The following TMEM132D variants were observed in gnomAD, a reference collection of about 807,000 sequenced individuals.
The protein encoded by TMEM132D is mature OL transmembrane protein.
In TMEM132D, 21 loss-of-function variants were observed where a neutral mutation model predicts 62.3. That is an observed-to-expected ratio of 0.34 (90% CI 0.24 to 0.49). The LOEUF (loss-of-function observed/expected upper bound fraction) is 0.49. TMEM132D is among the 20% of genes least tolerant of loss of function. The probability of loss-of-function intolerance (pLI) is 0.99; values close to 1 mark genes in which losing one functional copy is unlikely to be tolerated. For missense variants in TMEM132D, 1,346 were observed against 1,402.8 expected, an observed-to-expected ratio of 0.96 and a Z score of 0.65; for synonymous variants, 621 against 575.6, an observed-to-expected ratio of 1.08 and a Z score of -1.13.
chr12:129,166,440 G>A (rs1030092420), intron 5 of TMEM132D, among the ~76,000 whole-genome samples: 2 of 110,028 alleles, frequency 1.8e-5, no homozygotes, highest in Non-Finnish European at 4.2e-5. Flanking sequence ...GGCGGATGTG[G>A]CAGGCTTTTT....
intron 3 of TMEM132D, among the ~76,000 whole-genome samples, chr12:129,491,191 C>T (rs962372168): frequency 6.6e-6 from 1 of 152,110 alleles, no homozygotes; most frequent in Non-Finnish European, 1.5e-5. Flanking sequence ...TCATGATGAG[C>T]GCTGAAAAGT....
At chr12:129,337,432 TACACACACGCAC>T (rs1422212764) in intron 4 of TMEM132D, among the ~76,000 whole-genome samples, 190 bp downstream of exon 4, 1 of 109,650 alleles carries the variant, frequency 9.1e-6, no homozygotes, top group Admixed American at 1.2e-4. Context: ...TAGATATAGA[TACACACACGCAC>T]ACACACACAC....
Position 129,204,308 on chromosome 12 carries a change from A to C in TMEM132D, c.1443+5212T>G, listed in dbSNP as rs151065440. On this transcript the variant is annotated intron_variant, in intron 5 of 8. Coordinates refer to ENST00000422113, the MANE Select transcript of TMEM132D (RefSeq NM_133448.3). ...TCACAATAAAATGATAAAGGAACAA[A>C]GTAGCCATTATAAAAAAGAAGGAAG... 3.1e-3 allele frequency among the ~76,000 whole-genome samples: 474 copies of C among 152,352 alleles called. 1 individual carries two copies. Among genetic ancestry groups the C allele is most frequent in the African/African-American group, 0.011 (462 of 41,590 alleles).
chr12:129,613,888 GCAGAACCCAGGAGACTGGCTC>G (rs1408933202), intron 2 of TMEM132D, among the ~76,000 whole-genome samples: 1 of 150,842 alleles, frequency 6.6e-6, no homozygotes, highest in Non-Finnish European at 1.5e-5. Flanking sequence ...GGGACTGTCT[GCAGAACCCAGGAGACTGGCTC>G]CAGAACCCAG....
chr12:129,759,672 T>C (rs1323863340), intron 1 of TMEM132D, among the ~76,000 whole-genome samples: 2 of 152,218 alleles, frequency 1.3e-5, no homozygotes, highest in African/African-American at 2.4e-5. Context: ...ATTCTACATC[T>C]AGGAATCTAT....
intron 2 of TMEM132D, among the ~76,000 whole-genome samples, chr12:129,580,336 G>T (rs528824576): frequency 6.1e-4 from 93 of 152,278 alleles, no homozygotes; most frequent in Middle Eastern, 3.4e-3. Context: ...CCACATCCAC[G>T]CCTGCATTCG....
At chr12:129,318,651 C>A (rs558288454) in intron 4 of TMEM132D, among the ~76,000 whole-genome samples, 3 of 152,174 alleles carry the variant, frequency 2.0e-5, no homozygotes, top group South Asian at 2.1e-4. Flanking sequence ...GGAGAGGGAC[C>A]AGCAGTGGGC....
At chr12:129,732,801 A>G (rs569275014) in intron 1 of TMEM132D, among the ~76,000 whole-genome samples, 48 of 152,324 alleles carry the variant, frequency 3.2e-4, no homozygotes, top group African/African-American at 1.1e-3. Flanking sequence ...TGATTACAGC[A>G]TGGGAATCTG....
intron 4 of TMEM132D, among the ~76,000 whole-genome samples, chr12:129,302,832 C>T (rs150790241): frequency 0.015 from 2,351 of 152,306 alleles, 32 homozygotes; most frequent in Middle Eastern, 0.051. Context: ...AAGCCTCCAC[C>T]CATGTGAGAC....
intron 1 of TMEM132D, among the ~76,000 whole-genome samples, chr12:129,883,825 C>A (rs116080433): frequency 0.032 from 4,809 of 152,218 alleles, 266 homozygotes; most frequent in African/African-American, 0.11. Context: ...TATGCCAGAG[C>A]AACTGGATAC....
intron 1 of TMEM132D, among the ~76,000 whole-genome samples, chr12:129,825,816 C>A (rs1314881188): frequency 6.6e-6 from 1 of 152,182 alleles, no homozygotes; most frequent in Non-Finnish European, 1.5e-5. Context: ...CTGATTCCAG[C>A]ACTTTGGGAG....
chr12:129,090,650 AGAGT>A (rs1003725327), intron 5 of TMEM132D, among the ~76,000 whole-genome samples: 12 of 151,290 alleles, frequency 7.9e-5, no homozygotes, highest in African/African-American at 2.7e-4. Context: ...CCTAGGTGAC[AGAGT>A]GAGACCCTGT....
At chr12:129,705,270 T>C (rs1881476940) in intron 1 of TMEM132D, among the ~76,000 whole-genome samples, 1 of 152,174 alleles carries the variant, frequency 6.6e-6, no homozygotes, top group African/African-American at 2.4e-5. Flanking sequence ...TATATACATA[T>C]ACAAATTCAA....
chr12:129,624,318 G>A (rs934276176), intron 2 of TMEM132D, among the ~76,000 whole-genome samples: 22 of 152,198 alleles, frequency 1.4e-4, no homozygotes, highest in African/African-American at 4.8e-5. Flanking sequence ...GAGGGGCTGC[G>A]TGCCTTCAAC....
chr12:129,453,106 C>T (rs1013789555), intron 3 of TMEM132D, among the ~76,000 whole-genome samples: 1 of 152,160 alleles, frequency 6.6e-6, no homozygotes, highest in Non-Finnish European at 1.5e-5. Context: ...TGCAAGGGAT[C>T]TAGGTTGTGC....
intron 4 of TMEM132D, among the ~76,000 whole-genome samples, chr12:129,267,013 C>A (rs1034541313): frequency 6.6e-6 from 1 of 152,152 alleles, no homozygotes; most frequent in South Asian, 2.1e-4. Context: ...TCTGATCACA[C>A]CTTGGGATCA....
intron 3 of TMEM132D, among the ~76,000 whole-genome samples, chr12:129,355,978 G>A (rs1242147771): frequency 6.6e-6 from 1 of 152,042 alleles, no homozygotes; most frequent in Non-Finnish European, 1.5e-5. Flanking sequence ...ACGGGATCAG[G>A]GTGAAGCTAC....
intron 2 of TMEM132D, among the ~76,000 whole-genome samples, chr12:129,577,839 C>T (rs996718672): frequency 2.0e-5 from 3 of 151,926 alleles, no homozygotes; most frequent in Non-Finnish European, 4.4e-5. Context: ...AATAGTTAAT[C>T]GTATGTGTCA....
intron 5 of TMEM132D, among the ~76,000 whole-genome samples, chr12:129,132,497 A>G (rs1293237808): frequency 6.6e-6 from 1 of 152,206 alleles, no homozygotes; most frequent in Admixed American, 6.5e-5. Context: ...AATTTCAAGT[A>G]TATAACACAT....
Sources: gnomAD v4.1 joint callset for allele counts (sites outside exome capture counted in the v4.1 genomes callset) on GRCh38, gnomAD v4.1.1 for gene constraint, MANE v1.5 for transcripts, NCBI Gene and HGNC (gene_info 2026-07-23, HGNC 2026-07-21) for gene names.